Variants in AKAP6 observed in about 807,000 individuals in gnomAD.
AKAP6 encodes A-kinase anchoring protein 6.
AKAP6 carries 58 observed loss-of-function variants against 188.5 expected under a neutral mutation model. That is an observed-to-expected ratio of 0.31 (90% confidence interval 0.25 to 0.38). The LOEUF is 0.38. Among genes scored for constraint, AKAP6 ranks in the 10% least tolerant of loss-of-function variants. The probability of loss-of-function intolerance (pLI) is 1.00; values close to 1 mark genes in which losing one functional copy is unlikely to be tolerated. For synonymous variants in AKAP6, 989 were observed against 998.6 expected, an observed-to-expected ratio of 0.99 and a Z score of 0.18; for missense variants, 2,710 against 2,740.0, an observed-to-expected ratio of 0.99 and a Z score of 0.24.
chr14:32,475,176 T>A (rs1045190414), intron 2 of AKAP6, among the ~76,000 whole-genome samples: 1 of 152,228 alleles, frequency 6.6e-6, no homozygotes, highest in Non-Finnish European at 1.5e-5. Flanking sequence ...ATACTTTGCA[T>A]GCACTATCAT....
At chr14:32,772,484 C>G (rs1050795151) in intron 11 of AKAP6, among the ~76,000 whole-genome samples, 10 of 152,246 alleles carry the variant, frequency 6.6e-5, no homozygotes, top group African/African-American at 2.4e-4. Context: ...ACAGAGTTCT[C>G]TCATTACAGA....
chr14:32,392,719 T>C (rs1227762532), intron 1 of AKAP6, among the ~76,000 whole-genome samples: 1 of 152,110 alleles, frequency 6.6e-6, no homozygotes, highest in South Asian at 2.1e-4. Flanking sequence ...ATGTGTCAAG[T>C]AGATATAGGA....
Position 32,769,040 on chromosome 14 carries a change from T to A in AKAP6, c.3373-4638T>A, listed in dbSNP as rs1438672566. Among the ~76,000 whole-genome samples, 137 of 97,712 alleles carry A rather than the reference T, an allele frequency of 1.4e-3. 2 individuals carry two copies. The highest frequency in any genetic ancestry group is 5.2e-3 in the African/African-American group (135 of 25,908). 64.1% of individuals were successfully genotyped at this position (97,712 alleles called of 152,430 possible). On this transcript the variant is annotated intron_variant, in intron 11 of 13. Transcript: ENST00000280979. ...AGGGGATGCAGCTGCTCTTTTGATT[T>A]TTTTTTTTTTTTTTTTTTTTTTTTG...
rs889189559 is a variant in AKAP6, at chr14:32,583,452, T to C, written c.2469+6210T>C. 3.9e-5 allele frequency among the ~76,000 whole-genome samples: 6 copies of C among 152,242 alleles called. No individual in the cohort carries two copies. The South Asian group carries it at 1.2e-3, about 32-fold the overall frequency. On this transcript the variant is annotated intron_variant, in intron 5 of 13. Transcript: ENST00000280979. ...TCGGGGGTCAGGGGTCAGGGACCCA[T>C]TTGAGGAGGCAGTCTTCCCGTTCTC... is the stretch of plus-strand genomic sequence containing the variant.
chr14:32,754,899 G>A (rs1373661403), intron 11 of AKAP6, among the ~76,000 whole-genome samples: 2 of 152,148 alleles, frequency 1.3e-5, no homozygotes, highest in Non-Finnish European at 2.9e-5. Flanking sequence ...TAAATAATGA[G>A]TTGCTTTTCT....
chr14:32,531,721 A>G (rs1468985706), intron 2 of AKAP6, among the ~76,000 whole-genome samples: 1 of 152,188 alleles, frequency 6.6e-6, no homozygotes, highest in South Asian at 2.1e-4. Context: ...AATATTATTT[A>G]TATAAATAGA....
At chr14:32,718,461 T>C (rs183139408) in intron 9 of AKAP6, 11 of 290,854 alleles carry the variant, frequency 3.8e-5, no homozygotes, top group Non-Finnish European at 5.6e-5. Flanking sequence ...GCCTGTAGCA[T>C]ACTGGTATCG....
At chr14:32,401,498 C>T (rs1417433586) in intron 1 of AKAP6, among the ~76,000 whole-genome samples, 1 of 152,162 alleles carries the variant, frequency 6.6e-6, no homozygotes, top group South Asian at 2.1e-4. Context: ...TCTCACCCAG[C>T]CCTCTGGGAA....
chr14:32,565,235 T>C (rs1005575345), intron 4 of AKAP6, among the ~76,000 whole-genome samples: 4 of 152,228 alleles, frequency 2.6e-5, no homozygotes, highest in African/African-American at 9.6e-5. Flanking sequence ...CTGATTAAGT[T>C]GAGAAACCAA....
chr14:32,481,321 ATTTCATATACATCC>A (rs1173690265), intron 2 of AKAP6, among the ~76,000 whole-genome samples: 2 of 152,178 alleles, frequency 1.3e-5, no homozygotes, highest in Non-Finnish European at 2.9e-5. Context: ...ATTGCTATCA[ATTTCATATACATCC>A]TTCCAGAGCA....
At chr14:32,679,074 C>T (rs184728089) in intron 8 of AKAP6, among the ~76,000 whole-genome samples, 30 of 152,094 alleles carry the variant, frequency 2.0e-4, no homozygotes, top group African/African-American at 7.0e-4. Context: ...TACTATTGAA[C>T]AGTCAAGTCA....
chr14:32,815,016 C>T (rs2034342315), intron 12 of AKAP6, among the ~76,000 whole-genome samples: 1 of 152,158 alleles, frequency 6.6e-6, no homozygotes, highest in Admixed American at 6.5e-5. Context: ...GGAAGAAAAC[C>T]CCTGCTTCCC....
intron 11 of AKAP6, among the ~76,000 whole-genome samples, chr14:32,753,220 T>C (rs1283033259): frequency 6.6e-6 from 1 of 152,102 alleles, no homozygotes; most frequent in Admixed American, 6.5e-5. Context: ...CTATCTTTTC[T>C]CTTTTTGATA....
intron 10 of AKAP6, chr14:32,733,374 T>C (rs1202569949): frequency 6.6e-6 from 1 of 152,104 alleles, no homozygotes; most frequent in African/African-American, 2.4e-5. Flanking sequence ...TTGCCTTCAC[T>C]TCAAATCAAG....
chr14:32,452,713 G>A (rs1890982127), intron 2 of AKAP6, among the ~76,000 whole-genome samples: 1 of 152,140 alleles, frequency 6.6e-6, no homozygotes, highest in South Asian at 2.1e-4. Context: ...TTTAGTACAT[G>A]TTGTTGAACT....
chr14:32,774,915 C>G (rs1435726857), intron 12 of AKAP6, among the ~76,000 whole-genome samples: 1 of 152,136 alleles, frequency 6.6e-6, no homozygotes, highest in Non-Finnish European at 1.5e-5. Flanking sequence ...GCCTTAATAT[C>G]TGCTCTTTGA....
intron 12 of AKAP6, among the ~76,000 whole-genome samples, chr14:32,795,766 A>C (rs552909672): frequency 4.6e-5 from 7 of 152,322 alleles, no homozygotes; most frequent in African/African-American, 1.7e-4. Flanking sequence ...TCAACATGGT[A>C]CTGGAAGTTC....
At position 32,458,521 on chromosome 14, in the gene AKAP6, T is replaced by G. The variant is rs186850202; in HGVS notation, c.324+24704T>G. ...GTAATTGTAAATGTCGCTGAAAGTA[T>G]TATTAGTAGTCACAATAGGAATGAA... On this transcript the variant is annotated intron_variant, in intron 2 of 13. Transcript: ENST00000280979. Among the ~76,000 whole-genome samples the G allele has an allele frequency of 7.3e-3, 1,113 of 151,804 alleles. 4 individuals carry two copies. The highest frequency in any genetic ancestry group is 0.012 in the Non-Finnish European group (782 of 67,980).
intron 4 of AKAP6, among the ~76,000 whole-genome samples, chr14:32,548,972 A>T (rs1347978847): frequency 6.6e-6 from 1 of 152,192 alleles, no homozygotes; most frequent in East Asian, 1.9e-4. Flanking sequence ...TGTGCTAGAC[A>T]CTGGATAAAG....
Sources: gnomAD v4.1 joint callset for allele counts (sites outside exome capture counted in the v4.1 genomes callset) on GRCh38, gnomAD v4.1.1 for gene constraint, MANE v1.5 for transcripts, NCBI Gene and HGNC (gene_info 2026-07-23, HGNC 2026-07-21) for gene names.